CACNA1D: variants seen among roughly 807,000 people sequenced by gnomAD.
The protein encoded by CACNA1D is calcium voltage-gated channel subunit alpha1 D, also known as voltage-dependent L-type calcium channel subunit alpha-1D.
Under a neutral mutation model 257.1 loss-of-function variants are expected in CACNA1D, and 55 were observed. That is an observed-to-expected ratio of 0.21 (90% CI 0.17 to 0.27). CACNA1D has a LOEUF of 0.27. Among genes scored for constraint, CACNA1D ranks in the 10% least tolerant of loss-of-function variants. The pLI, the probability that CACNA1D is intolerant of heterozygous loss-of-function variation, is 1.00. For missense variants in CACNA1D, 1,876 were observed against 2,784.0 expected (o/e 0.67, Z 7.34); for synonymous variants, 980 against 1,014.9 (o/e 0.97, Z 0.65).
chr3:53,594,508 A>G (rs541837630), intron 3 of CACNA1D, among the ~76,000 whole-genome samples: 2 of 152,334 alleles, frequency 1.3e-5, no homozygotes, highest in South Asian at 4.1e-4. Flanking sequence ...TCAGGAGACA[A>G]ATGAGTAAAT....
intron 3 of CACNA1D, among the ~76,000 whole-genome samples, chr3:53,610,189 G>A (rs760334562): frequency 1.3e-5 from 2 of 152,074 alleles, no homozygotes; most frequent in African/African-American, 2.4e-5. Context: ...ATATTAACTG[G>A]AAAATCATGT....
intron 3 of CACNA1D, among the ~76,000 whole-genome samples, chr3:53,555,460 G>GGTTT (rs1553725645): frequency 2.6e-5 from 2 of 78,386 alleles, no homozygotes; most frequent in Non-Finnish European, 4.7e-5. Flanking sequence ...GTGTGTGTGT[G>GGTTT]TTTTTTTTTT....
rs2095588677 is a variant in CACNA1D, at chr3:53,810,100, C to A, written c.5994C>A (p.Thr1998=). Residue 1998 remains threonine, a synonymous_variant, in exon 47 of 48, where the codon ACC becomes ACA. Coordinates refer to ENST00000350061, the MANE Select transcript of CACNA1D (RefSeq NM_001128840.3). ...ACCGGGACTGGACACCGTGCTACAC[C>A]CCCCTGATCCAAGTGGAGCAGTCAG... The part of the protein sequence containing the change: ...PPYRDWTPCY[T]PLIQVEQSEA... The A allele has an allele frequency of 6.2e-7, 1 of 1,613,982 alleles. No homozygotes were observed. The highest frequency in any genetic ancestry group is 8.5e-7 in the Non-Finnish European group (1 of 1,180,024).
rs191760324 is a variant in CACNA1D at position 53,777,769 on chromosome 3, T to C, written c.4587+813T>C. ...TCTCCCAGTGCAACGCAGTTCTGTGTTTCCATGCCAGAGCACGCTCTCAGG... is the reference window on the plus strand; with the variant it reads ...TCTCCCAGTGCAACGCAGTTCTGTGCTTCCATGCCAGAGCACGCTCTCAGG... On this transcript the variant is annotated intron_variant, in intron 37 of 47. Coordinates refer to ENST00000350061, the MANE Select transcript of CACNA1D (RefSeq NM_001128840.3). Among the ~76,000 whole-genome samples, 3 of 152,332 alleles carry C rather than the reference T, an allele frequency of 2.0e-5. No individual in the cohort carries two copies. In the East Asian group the frequency reaches 5.8e-4, roughly 29 times the overall value.
intron 3 of CACNA1D, among the ~76,000 whole-genome samples, chr3:53,603,354 A>G (rs2093468646): frequency 6.6e-6 from 1 of 152,204 alleles, no homozygotes; most frequent in Non-Finnish European, 1.5e-5. Flanking sequence ...CACCTCGGAT[A>G]TTAACTGCTT....
intron 3 of CACNA1D, among the ~76,000 whole-genome samples, chr3:53,557,195 A>G (rs1187328169): frequency 6.6e-6 from 1 of 152,144 alleles, no homozygotes; most frequent in Non-Finnish European, 1.5e-5. Context: ...ATAGTTTTAC[A>G]TTAAGATCTG....
chr3:53,651,800 T>C (rs905337196), intron 4 of CACNA1D, among the ~76,000 whole-genome samples: 1 of 152,350 alleles, frequency 6.6e-6, no homozygotes. Context: ...TCTTCATGAC[T>C]TCAGTGAACT....
chr3:53,779,844 C>T (rs1393022685), intron 37 of CACNA1D, among the ~76,000 whole-genome samples, 182 bp from the exon 38 acceptor site: 1 of 152,106 alleles, frequency 6.6e-6, no homozygotes, highest in Admixed American at 6.5e-5. Context: ...ATTGGCATCT[C>T]GTGGCCCAGT....
chr3:53,523,995 T>C (rs2091672899), intron 3 of CACNA1D, among the ~76,000 whole-genome samples: 1 of 152,216 alleles, frequency 6.6e-6, no homozygotes, highest in South Asian at 2.1e-4. Context: ...GAAATTCTCA[T>C]TTTTAGGAGA....
intron 8 of CACNA1D, among the ~76,000 whole-genome samples, chr3:53,691,401 A>G (rs1298359917): frequency 1.3e-5 from 2 of 151,966 alleles, no homozygotes; most frequent in African/African-American, 2.4e-5. Context: ...CGGCCTCCCA[A>G]TTGAAGAATA....
Position 53,494,613 on chromosome 3 carries a change from A to T in CACNA1D, c.-554A>T, listed in dbSNP as rs1404477322. 1 of 144,030 alleles carries T rather than the reference A, an allele frequency of 6.9e-6. No homozygotes were observed. The highest frequency in any genetic ancestry group is 1.5e-5 in the Non-Finnish European group (1 of 64,994). The allele number at this position is 144,030 out of a possible 1,614,324, so 8.9% of individuals were successfully genotyped here. A position where few individuals can be genotyped will look rare whatever the true frequency, so the allele number is the denominator to read the frequency against. On this transcript the variant is annotated 5_prime_UTR_variant, in exon 1 of 48. In the 5' UTR this introduces an upstream ATG that the reference lacks. Transcript: ENST00000350061. Reference sequence around the variant, plus strand: ...CGGGCGCGCAGCGTCGCCAGGGCGAAGCCGGCGTGCGGCGCGGCGCGGCGG... The same window carrying T: ...CGGGCGCGCAGCGTCGCCAGGGCGATGCCGGCGTGCGGCGCGGCGCGGCGG...
intron 21 of CACNA1D, among the ~76,000 whole-genome samples, chr3:53,741,703 G>C (rs960040914): frequency 2.6e-4 from 40 of 152,146 alleles, no homozygotes; most frequent in African/African-American, 9.7e-4. Context: ...GTGGGGGTCG[G>C]AGGGATGCCG....
chr3:53,704,742 G>T (rs569438183), intron 9 of CACNA1D, among the ~76,000 whole-genome samples: 1 of 152,318 alleles, frequency 6.6e-6, no homozygotes, highest in East Asian at 1.9e-4. Flanking sequence ...CATGTTATTT[G>T]TAAACGAGAG....
chr3:53,533,908 A>G (rs777834742), intron 3 of CACNA1D, among the ~76,000 whole-genome samples: 7 of 152,228 alleles, frequency 4.6e-5, no homozygotes, highest in Non-Finnish European at 8.8e-5. Flanking sequence ...CGGGGATAAT[A>G]GCATCATCGT....
intron 10 of CACNA1D, chr3:53,718,702 G>A: frequency 6.4e-7 from 1 of 1,559,314 alleles, no homozygotes; most frequent in Non-Finnish European, 8.7e-7. Flanking sequence ...AGACGGAGAG[G>A]CGCGGCCAAG....
intron 3 of CACNA1D, among the ~76,000 whole-genome samples, chr3:53,564,757 T>C (rs552740245): frequency 6.6e-6 from 1 of 152,360 alleles, no homozygotes; most frequent in East Asian, 1.9e-4. Flanking sequence ...ATTTCCATTT[T>C]ATAGGTAAGG....
At chr3:53,610,575 GT>G (rs2093570610) in intron 3 of CACNA1D, among the ~76,000 whole-genome samples, 1 of 152,160 alleles carries the variant, frequency 6.6e-6, no homozygotes, top group African/African-American at 2.4e-5. Flanking sequence ...ACCAGTTTTA[GT>G]TGGGCTTTAT....
At chr3:53,577,187 C>T (rs576574317) in intron 3 of CACNA1D, among the ~76,000 whole-genome samples, 2 of 152,302 alleles carry the variant, frequency 1.3e-5, no homozygotes, top group East Asian at 3.9e-4. Flanking sequence ...GCTTCCTCAT[C>T]TGCGAGGTGG....
At chr3:53,507,791 C>A (rs2090917937) in intron 3 of CACNA1D, among the ~76,000 whole-genome samples, 1 of 152,058 alleles carries the variant, frequency 6.6e-6, no homozygotes, top group Non-Finnish European at 1.5e-5. Flanking sequence ...ACTAGTGAGA[C>A]TACCTTAGGG....
Sources: gnomAD v4.1 joint callset for allele counts (sites outside exome capture counted in the v4.1 genomes callset) on GRCh38, gnomAD v4.1.1 for gene constraint, MANE v1.5 for transcripts, NCBI Gene and HGNC (gene_info 2026-07-23, HGNC 2026-07-21) for gene names.